Variants in KHDRBS3 observed in about 807,000 individuals in gnomAD.
The protein encoded by KHDRBS3 is KH RNA binding domain containing, signal transduction associated 3.
A neutral mutation model predicts 45.6 loss-of-function variants in KHDRBS3; 23 were observed. That is an observed-to-expected ratio of 0.50 (90% confidence interval 0.36 to 0.72). KHDRBS3 has a LOEUF of 0.72. Among genes scored for constraint, KHDRBS3 ranks in the 30% least tolerant of loss-of-function variants. The pLI is 0.00. For missense variants in KHDRBS3, 352 were observed against 424.8 expected (o/e 0.83, Z 1.51); for synonymous variants, 162 against 156.5 (o/e 1.04, Z -0.26).
chr8:135,521,099 T>G lies in KHDRBS3; in HGVS notation c.89-138T>G, dbSNP rs1200504112. ...AGAATCATTGATGAAACCGGAAATGTACTTGAAAACATTTGCCTCAATTTA... is the reference window on the plus strand; with the variant it reads ...AGAATCATTGATGAAACCGGAAATGGACTTGAAAACATTTGCCTCAATTTA... On this transcript the variant is annotated intron_variant, in intron 1 of 8. Coordinates refer to ENST00000355849, the MANE Select transcript of KHDRBS3 (RefSeq NM_006558.3). 1.3e-5 allele frequency: 8 copies of G among 631,132 alleles called. No individual in the cohort carries two copies. In the Middle Eastern group the frequency reaches 7.8e-4, roughly 61 times the overall value. The allele number at this position is 631,132 out of a possible 1,614,324, so 39.1% of individuals were successfully genotyped here.
chr8:135,491,133 G>A (rs537225721), intron 1 of KHDRBS3, among the ~76,000 whole-genome samples: 3 of 152,068 alleles, frequency 2.0e-5, no homozygotes, highest in African/African-American at 7.2e-5. Flanking sequence ...TGTACTGATG[G>A]TATTGCTCTC....
chr8:135,620,571 C>A (rs1315630225), intron 7 of KHDRBS3, among the ~76,000 whole-genome samples: 3 of 152,160 alleles, frequency 2.0e-5, no homozygotes, highest in Non-Finnish European at 1.5e-5. Context: ...TCATCAAAAT[C>A]TTCATGGCTC....
intron 7 of KHDRBS3, chr8:135,625,868 C>T: frequency 1.3e-6 from 1 of 770,616 alleles, no homozygotes; most frequent in South Asian, 1.4e-5. Context: ...CCCCTGAGCA[C>T]AGCTGTTCGA....
intron 1 of KHDRBS3, chr8:135,458,590 C>G: frequency 3.1e-6 from 1 of 321,164 alleles, no homozygotes; most frequent in Non-Finnish European, 6.1e-6. Context: ...AGTCAGCCCT[C>G]CCAGGGGATG....
At chr8:135,493,573 A>T (rs1353241401) in intron 1 of KHDRBS3, among the ~76,000 whole-genome samples, 1 of 152,144 alleles carries the variant, frequency 6.6e-6, no homozygotes, top group South Asian at 2.1e-4. Context: ...TTGGTCTGTT[A>T]ATGTAGTGAA....
intron 1 of KHDRBS3, among the ~76,000 whole-genome samples, chr8:135,506,961 C>T (rs1359229731): frequency 6.6e-6 from 1 of 152,050 alleles, no homozygotes; most frequent in Non-Finnish European, 1.5e-5. Context: ...AGCTGGCTTT[C>T]CTAGGCAGTG....
chr8:135,567,249 A>C (rs1156977692), intron 5 of KHDRBS3, among the ~76,000 whole-genome samples: 1 of 151,874 alleles, frequency 6.6e-6, no homozygotes, highest in African/African-American at 2.4e-5. Flanking sequence ...ACTCAGTAAA[A>C]CTTCATCCTA....
chr8:135,515,725 A>G (rs1824560126), intron 1 of KHDRBS3, among the ~76,000 whole-genome samples: 1 of 152,192 alleles, frequency 6.6e-6, no homozygotes, highest in Non-Finnish European at 1.5e-5. Context: ...TAGCCCCATC[A>G]GGCTACCATA....
At chr8:135,566,166 A>G (rs1021530654) in intron 5 of KHDRBS3, among the ~76,000 whole-genome samples, 4 of 152,196 alleles carry the variant, frequency 2.6e-5, no homozygotes, top group African/African-American at 9.6e-5. Flanking sequence ...AGTGTTAGGC[A>G]GTTAGTTGTT....
intron 1 of KHDRBS3, chr8:135,458,472 C>G (rs1157422470): frequency 4.1e-6 from 1 of 246,216 alleles, no homozygotes; most frequent in Non-Finnish European, 8.0e-6. Context: ...GGGGTCAGAC[C>G]CCAGCACCTG....
chr8:135,614,698 A>G (rs1454776802), intron 7 of KHDRBS3, among the ~76,000 whole-genome samples: 2 of 151,502 alleles, frequency 1.3e-5, no homozygotes, highest in East Asian at 3.9e-4. Flanking sequence ...CCAAGACCCC[A>G]TGGTAAGGGA....
downstream of KHDRBS3, chr8:135,647,975 TGA>T (rs1831356684): frequency 6.6e-6 from 1 of 152,182 alleles, no homozygotes; most frequent in South Asian, 2.1e-4. Context: ...GGATTTTTTA[TGA>T]GAATTTTGGT....
At chr8:135,621,127 TAAA>T (rs1012251685) in intron 7 of KHDRBS3, among the ~76,000 whole-genome samples, 1 of 119,312 alleles carries the variant, frequency 8.4e-6, no homozygotes, top group East Asian at 3.0e-4. Context: ...TATGCAGCCT[TAAA>T]AAAAAGGGGG....
At chr8:135,653,059 G>A (rs146146166) in intron 4 of KHDRBS3, among the ~76,000 whole-genome samples, 462 of 152,226 alleles carry the variant, frequency 3.0e-3, no homozygotes, top group Middle Eastern at 0.017. Context: ...TGCTGCTGGC[G>A]GGATTTGTGT....
chr8:135,587,252 CCT>C (rs2130946588), intron 6 of KHDRBS3, among the ~76,000 whole-genome samples: 2 of 152,200 alleles, frequency 1.3e-5, no homozygotes, highest in African/African-American at 4.8e-5. Context: ...CAAAATATTC[CCT>C]GAGTGTGTAT....
chr8:135,573,990 T>G (rs903575110), intron 5 of KHDRBS3, among the ~76,000 whole-genome samples: 9 of 152,258 alleles, frequency 5.9e-5, no homozygotes, highest in African/African-American at 2.2e-4. Flanking sequence ...GATCTGCTTT[T>G]CTGTTTTTAA....
At chr8:135,476,125 T>G (rs1023513231) in intron 1 of KHDRBS3, among the ~76,000 whole-genome samples, 3 of 152,104 alleles carry the variant, frequency 2.0e-5, no homozygotes, top group Non-Finnish European at 4.4e-5. Flanking sequence ...AAATTTTCTT[T>G]GTTTTCCTTC....
intron 7 of KHDRBS3, among the ~76,000 whole-genome samples, chr8:135,631,308 A>G (rs1010232498): frequency 4.0e-5 from 6 of 151,434 alleles, no homozygotes; most frequent in Non-Finnish European, 8.8e-5. Flanking sequence ...ACAGCTTACT[A>G]TAACTTTTTT....
At chr8:135,499,697 G>A (rs1823636801) in intron 1 of KHDRBS3, among the ~76,000 whole-genome samples, 1 of 152,128 alleles carries the variant, frequency 6.6e-6, no homozygotes, top group South Asian at 2.1e-4. Flanking sequence ...AGAAGCATCA[G>A]AATGTTTTAA....
Sources: gnomAD v4.1 joint callset for allele counts (sites outside exome capture counted in the v4.1 genomes callset) on GRCh38, gnomAD v4.1.1 for gene constraint, MANE v1.5 for transcripts, NCBI Gene and HGNC (gene_info 2026-07-23, HGNC 2026-07-21) for gene names.